Variants in ST6GALNAC3 observed in about 807,000 individuals in gnomAD.
ST6GALNAC3 encodes alpha-N-acetylgalactosaminide alpha-2,6-sialyltransferase 3.
A neutral mutation model predicts 32.7 loss-of-function variants in ST6GALNAC3; 25 were observed. The observed-to-expected ratio is 0.76, with a 90% CI of 0.56 to 1.07. The LOEUF is 1.07. Among genes scored for constraint, ST6GALNAC3 ranks in the 50% least tolerant of loss-of-function variants. The pLI, the probability that ST6GALNAC3 is intolerant of heterozygous loss-of-function variation, is 0.00. For missense variants in ST6GALNAC3, 355 were observed against 382.4 expected (o/e 0.93, Z 0.60); for synonymous variants, 129 against 133.1 (o/e 0.97, Z 0.21).
intron 1 of ST6GALNAC3, among the ~76,000 whole-genome samples, chr1:76,283,999 AT>A (rs1196250291): frequency 1.8e-5 from 2 of 111,502 alleles, no homozygotes; most frequent in African/African-American, 7.1e-5. Flanking sequence ...TCATTCATCT[AT>A]TTTTTGCCCT....
chr1:76,195,952 A>G (rs1233292973), intron 1 of ST6GALNAC3, among the ~76,000 whole-genome samples: 1 of 152,228 alleles, frequency 6.6e-6, no homozygotes, highest in Non-Finnish European at 1.5e-5. Flanking sequence ...AAGGAGTCTT[A>G]GAGCTCAGAA....
At chr1:76,167,419 A>G (rs1406762363) in intron 1 of ST6GALNAC3, among the ~76,000 whole-genome samples, 3 of 148,074 alleles carry the variant, frequency 2.0e-5, no homozygotes, top group African/African-American at 7.3e-5. Flanking sequence ...TGTAGTTGAT[A>G]TTCATCCAGG....
intron 3 of ST6GALNAC3, among the ~76,000 whole-genome samples, chr1:76,585,105 C>T (rs1331033104): frequency 6.6e-6 from 1 of 152,160 alleles, no homozygotes; most frequent in Non-Finnish European, 1.5e-5. Flanking sequence ...ATATTCTTGG[C>T]CGGGCGCAGT....
In ST6GALNAC3 at chr1:76,354,634, C is replaced by A. The variant is rs561193159; in HGVS notation, c.213+40635C>A. Among the ~76,000 whole-genome samples the A allele has an allele frequency of 9.9e-5, 15 of 152,220 alleles. No individual in the cohort carries two copies. In the East Asian group the frequency reaches 2.5e-3, roughly 25 times the overall value. Reference sequence around the variant, plus strand: ...ATCCATCAGGTTTTATGTATGTGAACTTTTATGGAATTTGGTGAAGTGTGT... The same window carrying A: ...ATCCATCAGGTTTTATGTATGTGAAATTTTATGGAATTTGGTGAAGTGTGT... On this transcript the variant is annotated intron_variant, in intron 2 of 4. Transcript: ENST00000328299.
At chr1:76,387,316 C>T (rs975411297) in intron 2 of ST6GALNAC3, among the ~76,000 whole-genome samples, 2 of 152,118 alleles carry the variant, frequency 1.3e-5, no homozygotes, top group Non-Finnish European at 2.9e-5. Flanking sequence ...CCTCAGGGGA[C>T]AGTACAGTGC....
intron 1 of ST6GALNAC3, among the ~76,000 whole-genome samples, chr1:76,157,414 G>A (rs1369545320): frequency 6.6e-6 from 1 of 152,156 alleles, no homozygotes; most frequent in Non-Finnish European, 1.5e-5. Flanking sequence ...GTATACATAT[G>A]TAGCAGTATC....
At chr1:76,150,296 CT>C (rs1351866003) in intron 1 of ST6GALNAC3, among the ~76,000 whole-genome samples, 1 of 152,204 alleles carries the variant, frequency 6.6e-6, no homozygotes, top group Non-Finnish European at 1.5e-5. Context: ...TTCAAGTTGA[CT>C]TCAACTTTCC....
intron 3 of ST6GALNAC3, among the ~76,000 whole-genome samples, chr1:76,596,845 T>C (rs530266838): frequency 1.3e-5 from 2 of 152,338 alleles, no homozygotes; most frequent in South Asian, 2.1e-4. Flanking sequence ...TGGGATGCTA[T>C]TAGTTAGTCT....
intron 1 of ST6GALNAC3, among the ~76,000 whole-genome samples, chr1:76,159,785 A>C (rs1651700400): frequency 6.6e-6 from 1 of 152,222 alleles, no homozygotes; most frequent in Admixed American, 6.5e-5. Context: ...AATTCACAGA[A>C]TACCTACACA....
rs141163701 is a variant in ST6GALNAC3, at chr1:76,316,566, T to C, written c.213+2567T>C. On this transcript the variant is annotated intron_variant, in intron 2 of 4. Transcript: ENST00000328299. Reference sequence around the variant, plus strand: ...CTAAATAATGTTGCTTAGGGACATATACAACGGTAAACTAAAAAAGGAAAA... The same window carrying C: ...CTAAATAATGTTGCTTAGGGACATACACAACGGTAAACTAAAAAAGGAAAA... 2.0e-5 allele frequency among the ~76,000 whole-genome samples: 3 copies of C among 151,970 alleles called. No individual in the cohort carries two copies. The East Asian group carries it at 5.8e-4, about 29-fold the overall frequency.
intron 1 of ST6GALNAC3, among the ~76,000 whole-genome samples, chr1:76,261,210 C>T (rs548691): frequency 0.48 from 73,570 of 152,042 alleles, 20,159 homozygotes; most frequent in African/African-American, 0.75. Flanking sequence ...CTCCCCACTT[C>T]AAGTATCTGT....
intron 1 of ST6GALNAC3, among the ~76,000 whole-genome samples, chr1:76,194,169 G>A (rs1361186893): frequency 6.6e-6 from 1 of 152,136 alleles, no homozygotes; most frequent in Non-Finnish European, 1.5e-5. Flanking sequence ...CTGGGGCAAG[G>A]TTGTAGGTCT....
At chr1:76,482,441 G>A (rs1046048927) in intron 3 of ST6GALNAC3, among the ~76,000 whole-genome samples, 3 of 152,182 alleles carry the variant, frequency 2.0e-5, no homozygotes, top group South Asian at 2.1e-4. Context: ...AATTCACTGG[G>A]AAGCAGAACA....
intron 3 of ST6GALNAC3, among the ~76,000 whole-genome samples, chr1:76,420,858 G>A (rs964536542): frequency 1.3e-5 from 2 of 152,024 alleles, no homozygotes; most frequent in South Asian, 2.1e-4. Context: ...TTTTCATGAA[G>A]CCTCTTGTAA....
At chr1:76,577,212 T>C in intron 3 of ST6GALNAC3, 16 of 1,010,406 alleles carry the variant, frequency 1.6e-5, no homozygotes, top group Non-Finnish European at 1.9e-5. Flanking sequence ...AAGCAAAACT[T>C]GTTCTTCCCA....
At chr1:76,288,040 T>C (rs1228695914) in intron 1 of ST6GALNAC3, among the ~76,000 whole-genome samples, 1 of 152,234 alleles carries the variant, frequency 6.6e-6, no homozygotes, top group Non-Finnish European at 1.5e-5. Flanking sequence ...AGAAGTAGCA[T>C]GGGAGATCAC....
intron 3 of ST6GALNAC3, among the ~76,000 whole-genome samples, chr1:76,512,625 A>G (rs1019894884): frequency 2.6e-5 from 4 of 152,096 alleles, no homozygotes; most frequent in African/African-American, 9.7e-5. Flanking sequence ...CCATCCTATT[A>G]ACAATTGTCA....
chr1:76,393,062 A>G (rs1362884047), intron 2 of ST6GALNAC3, among the ~76,000 whole-genome samples: 1 of 152,204 alleles, frequency 6.6e-6, no homozygotes, highest in African/African-American at 2.4e-5. Context: ...CAATTTTCCA[A>G]AAAGAACTAC....
chr1:76,617,413 G>A (rs904477425), intron 3 of ST6GALNAC3, among the ~76,000 whole-genome samples: 31 of 151,940 alleles, frequency 2.0e-4, no homozygotes, highest in African/African-American at 6.5e-4. Flanking sequence ...GCTGATAGGT[G>A]AACTAAAAGA....
Sources: allele counts gnomAD v4.1 joint callset (sites outside exome capture counted in the v4.1 genomes callset), GRCh38; gene constraint gnomAD v4.1.1; transcripts MANE v1.5; gene names NCBI Gene and HGNC (gene_info 2026-07-23, HGNC 2026-07-21).